PRKAR1B: variants seen among roughly 807,000 people sequenced by gnomAD.
PRKAR1B encodes the protein protein kinase cAMP-dependent type I regulatory subunit beta.
PRKAR1B carries 22 observed loss-of-function variants against 46.5 expected under a neutral mutation model. The ratio of observed to expected loss-of-function variants is 0.47; its 90% CI spans 0.34 to 0.68. The LOEUF (loss-of-function observed/expected upper bound fraction) is 0.68, where lower values mean the gene tolerates loss of function less well. Among genes scored for constraint, PRKAR1B ranks in the 30% least tolerant of loss-of-function variants. The pLI, the probability that PRKAR1B is intolerant of heterozygous loss-of-function variation, is 0.01. For synonymous variants in PRKAR1B, 259 were observed against 217.7 expected, an observed-to-expected ratio of 1.19 and a Z score of -1.67; for missense variants, 445 against 535.6, an observed-to-expected ratio of 0.83 and a Z score of 1.67.
chr7:561,274 GCA>G lies in PRKAR1B; in HGVS notation c.892-9806_892-9805del, dbSNP rs201104071. 9.3e-3 allele frequency among the ~76,000 whole-genome samples: 1,403 copies of G among 150,110 alleles called. 22 individuals carry two copies. Among genetic ancestry groups the G allele is most frequent in the African/African-American group, 0.03 (1,247 of 41,000 alleles). ...CAAACACACAGGCACACACGCCTGT[GCA>G]CACACACACACACACATCCACAGAG... On this transcript the variant is annotated intron_variant, in intron 9 of 10. Transcript: ENST00000537384.
At chr7:635,937 C>G (rs1448096448) in intron 4 of PRKAR1B, among the ~76,000 whole-genome samples, 2 of 148,100 alleles carry the variant, frequency 1.4e-5, no homozygotes, top group Admixed American at 6.7e-5. Context: ...CAGCACCGCG[C>G]CCACACATCC....
At chr7:632,709 C>T (rs1046701971) in intron 4 of PRKAR1B, among the ~76,000 whole-genome samples, 37 of 152,338 alleles carry the variant, frequency 2.4e-4, no homozygotes, top group African/African-American at 8.9e-4. Flanking sequence ...CACAGAAATG[C>T]CACGGAGGCT....
intron 4 of PRKAR1B, among the ~76,000 whole-genome samples, chr7:635,476 C>T (rs1233662320): frequency 6.6e-6 from 1 of 152,186 alleles, no homozygotes; most frequent in Non-Finnish European, 1.5e-5. Flanking sequence ...GCTCAGGGAG[C>T]GTCCCCAACA....
At chr7:606,382 A>C (rs1782053331) in intron 5 of PRKAR1B, 143 bp from the exon 6 acceptor site, 2 of 608,328 alleles carry the variant, frequency 3.3e-6, no homozygotes, top group Non-Finnish European at 5.7e-6. Flanking sequence ...TTTAATGACA[A>C]GATTATACAA....
chr7:711,671 G>A, intron 1 of PRKAR1B, 144 bp from the exon 2 acceptor site: 1 of 788,636 alleles, frequency 1.3e-6, no homozygotes, highest in Non-Finnish European at 2.0e-6. Flanking sequence ...CTTTCATTCT[G>A]TGGGGCCAGG....
intron 4 of PRKAR1B, among the ~76,000 whole-genome samples, chr7:663,008 A>C (rs1004808723): frequency 7.2e-5 from 11 of 152,186 alleles, no homozygotes; most frequent in African/African-American, 2.4e-4. Context: ...AACAGACAGG[A>C]CAGAGTCCTG....
intron 9 of PRKAR1B, among the ~76,000 whole-genome samples, chr7:555,056 C>T (rs1490200632): frequency 2.0e-5 from 3 of 152,230 alleles, no homozygotes; most frequent in African/African-American, 7.2e-5. Context: ...AAAGACAGAA[C>T]CTACCTCTTT....
At chr7:696,182 GC>G (rs1191583842) in intron 2 of PRKAR1B, among the ~76,000 whole-genome samples, 1 of 150,924 alleles carries the variant, frequency 6.6e-6, no homozygotes, top group Admixed American at 6.6e-5. Flanking sequence ...TTGCTATGTT[GC>G]CCAGGCTAGT....
At chr7:671,212 C>G (rs977459582) in intron 4 of PRKAR1B, among the ~76,000 whole-genome samples, 16 of 150,948 alleles carry the variant, frequency 1.1e-4, no homozygotes, top group Admixed American at 9.9e-4. Context: ...CCGCAGAATT[C>G]AGATTCTGAA....
intron 9 of PRKAR1B, among the ~76,000 whole-genome samples, chr7:557,001 C>T (rs372289922): frequency 6.8e-4 from 104 of 152,356 alleles, no homozygotes; most frequent in African/African-American, 2.4e-3. Flanking sequence ...AGCCGACCCC[C>T]ACCTCTGACC....
intron 5 of PRKAR1B, 36 bp from the exon 6 acceptor site, chr7:606,275 A>G: frequency 6.3e-7 from 1 of 1,597,138 alleles, no homozygotes; most frequent in African/African-American, 1.3e-5. Context: ...GATACAAAGT[A>G]CATCCAGACA....
intron 7 of PRKAR1B, among the ~76,000 whole-genome samples, chr7:588,690 A>G (rs62651773): frequency 1.6e-3 from 18 of 11,474 alleles, no homozygotes; most frequent in Middle Eastern, 0.071. Flanking sequence ...GATGATGGTG[A>G]TGGTGGTGAT....
intron 4 of PRKAR1B, among the ~76,000 whole-genome samples, chr7:676,635 G>A (rs1778322320): frequency 6.6e-6 from 1 of 152,246 alleles, no homozygotes; most frequent in Admixed American, 6.5e-5. Flanking sequence ...CAGGGCAGGT[G>A]CACGCAGCAT....
rs201388730 is a variant in PRKAR1B, at chr7:550,522, G to A, written c.1054C>T (p.Arg352Trp). ...RGPLKCVKLDRPRFERVLGPC... is the reference protein window; with the variant it reads ...RGPLKCVKLDWPRFERVLGPC... ...CCCAGCACACGCTCGAAGCGGGGCC[G>A]GTCCAGCTTCACACACTTGAGGGGC... Residue 352 changes from arginine (R) to tryptophan (W), a missense_variant, in exon 11 of 11, where the codon CGG becomes TGG. Around this residue, in one of 5 missense-constraint regions of PRKAR1B, gnomAD observed 127 missense variants for 138.0 expected, o/e 0.92. Transcript: ENST00000537384. The A allele has an allele frequency of 1.2e-6, 2 of 1,604,358 alleles. No individual in the cohort carries two copies. The highest frequency in any genetic ancestry group is 1.7e-6 in the Non-Finnish European group (2 of 1,176,084).
At chr7:659,641 C>T (rs1785397013) in intron 4 of PRKAR1B, among the ~76,000 whole-genome samples, 1 of 152,220 alleles carries the variant, frequency 6.6e-6, no homozygotes, top group South Asian at 2.1e-4. Flanking sequence ...ACCATGGACA[C>T]CGGCAGGACA....
chr7:711,221 G>GGGCACCCAGCCTTCGA, intron 2 of PRKAR1B, 108 bp downstream of exon 2: 1 of 1,446,006 alleles, frequency 6.9e-7, no homozygotes, highest in South Asian at 1.3e-5. Flanking sequence ...ACAGTCTCTG[G>GGGCACCCAGCCTTCGA]GGCACCCAGC....
intron 9 of PRKAR1B, chr7:565,449 C>T (rs929327005): frequency 6.6e-6 from 1 of 152,274 alleles, no homozygotes. Flanking sequence ...CCTCAGCCCC[C>T]TTCAAAGACC....
chr7:727,100 G>A lies in PRKAR1B; in HGVS notation c.-23+110C>T, dbSNP rs1209538602. 1.1e-4 allele frequency: 117 copies of A among 1,078,594 alleles called. No homozygotes were observed. In the East Asian group the frequency reaches 1.2e-3, roughly 11 times the overall value. The allele number at this position is 1,078,594 out of a possible 1,614,324, so 66.8% of individuals were successfully genotyped here. ...CCCGCGCTCGCCGCGCGCTTGGCCG[G>A]CCCCGTGCCCGCGCGCCGCCCGCCC... On this transcript the variant is annotated intron_variant, in intron 1 of 10. Coordinates refer to ENST00000537384, the MANE Select transcript of PRKAR1B (RefSeq NM_001164760.2).
intron 6 of PRKAR1B, among the ~76,000 whole-genome samples, chr7:598,284 TCGCC>T (rs761650833): frequency 1.6e-5 from 2 of 124,436 alleles, no homozygotes; most frequent in South Asian, 3.0e-4. Flanking sequence ...CTAAACACCA[TCGCC>T]CTCCCTCCAG....
Sources: gnomAD v4.1 joint callset for allele counts (sites outside exome capture counted in the v4.1 genomes callset) on GRCh38, gnomAD v4.1.1 for gene constraint, gnomAD v4.1.1 regional missense constraint, MANE v1.5 for transcripts, NCBI Gene and HGNC (gene_info 2026-07-23, HGNC 2026-07-21) for gene names.